Variants in NCR3LG1 observed in about 807,000 individuals in gnomAD.
NCR3LG1 encodes natural killer cell cytotoxicity receptor 3 ligand 1.
A neutral mutation model predicts 34.8 loss-of-function variants in NCR3LG1; 35 were observed. That is an observed-to-expected ratio of 1.01 (90% CI 0.77 to 1.33). The LOEUF is 1.33. Ranked by LOEUF, NCR3LG1 falls within the 40% of genes most tolerant of loss-of-function variation. The pLI is 0.00. For missense variants in NCR3LG1, 452 were observed against 423.3 expected (o/e 1.07, Z -0.60); for synonymous variants, 173 against 163.6 (o/e 1.06, Z -0.44).
rs1953427153 is a variant in NCR3LG1 at position 17,372,785 on chromosome 11, G to A, written c.*273G>A. ...TATAGCCACTCAATAAGGAAAGAAG[G>A]TGAGAAACAACCAGCATTCACATAC... On this transcript the variant is annotated 3_prime_UTR_variant, in exon 5 of 5. Transcript: ENST00000338965. 5.2e-6 allele frequency: 2 copies of A among 384,308 alleles called. No homozygotes were observed. Among genetic ancestry groups the A allele is most frequent in the Admixed American group, 4.1e-5 (1 of 24,154 alleles). 23.8% of individuals were successfully genotyped at this position (384,308 alleles called of 1,614,324 possible).
rs1222975866 is a variant in NCR3LG1 at position 17,368,908 on chromosome 11, A to G, written c.802A>G (p.Ile268Val). The stretch of plus-strand genomic sequence containing the variant: ...TAATTTTTCCATTCATTGGTGGCCT[A>G]TTTCATTCATTGGTGTTGGACTGGT... Reference protein sequence around the residue: ...TDNFSIHWWPISFIGVGLVLL... With the variant: ...TDNFSIHWWPVSFIGVGLVLL... The change falls in exon 4 of 5, where the codon ATT becomes GTT. Residue 268 changes from isoleucine to valine, a missense_variant. Physicochemically the swap from Ile to Val is conservative, Grantham distance 29. Transcript: ENST00000338965. 3 of 1,535,026 alleles carry G rather than the reference A, an allele frequency of 2.0e-6. No homozygotes were observed. Among genetic ancestry groups the G allele is most frequent in the Non-Finnish European group, 1.7e-6 (2 of 1,145,978 alleles).
chr11:17,357,623 A>T (rs1457868436), intron 2 of NCR3LG1, among the ~76,000 whole-genome samples: 3 of 151,608 alleles, frequency 2.0e-5, no homozygotes. Flanking sequence ...TGACAGAGGA[A>T]TAACAGTGAC....
At chr11:17,361,791 A>G (rs1006033008) in intron 2 of NCR3LG1, among the ~76,000 whole-genome samples, 2 of 152,026 alleles carry the variant, frequency 1.3e-5, no homozygotes, top group Non-Finnish European at 2.9e-5. Flanking sequence ...TTAAAAATAC[A>G]GTTTTATTTC....
rs1026938385 is a variant in NCR3LG1, at chr11:17,376,941, G to A, written c.*4429G>A. The A allele has an allele frequency of 1.3e-5, 2 of 152,164 alleles. No individual in the cohort carries two copies. Among genetic ancestry groups the A allele is most frequent in the African/African-American group, 4.8e-5 (2 of 41,452 alleles). The allele number at this position is 152,164 out of a possible 1,614,324, so 9.4% of individuals were successfully genotyped here. A position where few individuals can be genotyped will look rare whatever the true frequency, so the allele number is the denominator to read the frequency against. On this transcript the variant is annotated 3_prime_UTR_variant, in exon 5 of 5. Transcript: ENST00000338965. The stretch of plus-strand genomic sequence containing the variant: ...GCGTCTCCTCCTGGTTGAAAGTCCT[G>A]CTGGGAATGGCAGGCTCTGGGTAAC...
intron 2 of NCR3LG1, among the ~76,000 whole-genome samples, chr11:17,359,413 C>T (rs1953245179): frequency 1.3e-5 from 2 of 152,112 alleles, no homozygotes; most frequent in African/African-American, 4.8e-5. Context: ...CCTGTACCCA[C>T]CATCCTCTGT....
downstream of NCR3LG1, among the ~76,000 whole-genome samples, chr11:17,378,337 A>G (rs181129736): frequency 4.6e-4 from 70 of 152,334 alleles, no homozygotes; most frequent in African/African-American, 1.5e-3. Context: ...CTCCAGTCCC[A>G]GTTGGCTACA....
chr11:17,380,120 T>C (rs1394636881), downstream of NCR3LG1, among the ~76,000 whole-genome samples: 2 of 152,200 alleles, frequency 1.3e-5, no homozygotes, highest in Admixed American at 1.3e-4. Flanking sequence ...GGCCAAGACT[T>C]TCTCAGAGTG....
At chr11:17,359,677 A>G (rs1953249687) in intron 2 of NCR3LG1, among the ~76,000 whole-genome samples, 1 of 151,816 alleles carries the variant, frequency 6.6e-6, no homozygotes, top group South Asian at 2.1e-4. Flanking sequence ...ACGCCTGGCT[A>G]ATTTTTGTAT....
In NCR3LG1 at chr11:17,372,660, C is replaced by T; in HGVS notation, c.*148C>T. On this transcript the variant is annotated 3_prime_UTR_variant, in exon 5 of 5. Transcript: ENST00000338965. ...AACCTAACTCAGGTGTTTGACCTTA[C>T]TTGGGGTGATGTTATGTTGCTCTTA... The T allele has an allele frequency of 1.7e-6, 1 of 581,332 alleles. No homozygotes were observed. The highest frequency in any genetic ancestry group is 1.9e-5 in the African/African-American group (1 of 53,862). The allele number at this position is 581,332 out of a possible 1,614,324, so 36.0% of individuals were successfully genotyped here.
downstream of NCR3LG1, among the ~76,000 whole-genome samples, chr11:17,379,550 G>A (rs1393891325): frequency 6.6e-6 from 1 of 152,082 alleles, no homozygotes; most frequent in African/African-American, 2.4e-5. Context: ...TTCTAATGGT[G>A]CTGGGAGAAG....
At chr11:17,356,426 C>T (rs34980243) in intron 1 of NCR3LG1, among the ~76,000 whole-genome samples, 32,759 of 151,854 alleles carry the variant, frequency 0.22, 3,890 homozygotes, top group African/African-American at 0.28. Flanking sequence ...CATGAGCCAC[C>T]GTGCCTGGCC....
At position 17,367,250 on chromosome 11, in the gene NCR3LG1, C is replaced by A. The variant is rs368357969; in HGVS notation, c.663C>A (p.Asp221Glu). 2 of 1,536,284 alleles carry A rather than the reference C, an allele frequency of 1.3e-6. No homozygotes were observed. Among genetic ancestry groups the A allele is most frequent in the African/African-American group, 2.7e-5 (2 of 73,134 alleles). Reference sequence around the variant, plus strand: ...TGAAGCTGAACTCCTCTCAGGAAGACCCTGGGACTGTCTACCAGTGTGTGG... The same window carrying A: ...TGAAGCTGAACTCCTCTCAGGAAGAACCTGGGACTGTCTACCAGTGTGTGG... The part of the protein sequence containing the change: ...SCLKLNSSQE[D>E]PGTVYQCVVR... Residue 221 changes from aspartate to glutamate, a missense_variant, in exon 3 of 5, where the codon GAC (aspartate) becomes GAA (glutamate). By Grantham distance (45) the Asp-to-Glu change is conservative (BLOSUM62 2). Coordinates refer to ENST00000338965, the MANE Select transcript of NCR3LG1 (RefSeq NM_001202439.3).
intron 2 of NCR3LG1, among the ~76,000 whole-genome samples, chr11:17,363,237 C>T (rs570065232): frequency 6.6e-6 from 1 of 151,640 alleles, no homozygotes; most frequent in South Asian, 2.1e-4. Flanking sequence ...TAAAGCACTT[C>T]TTTTTATGTT....
intron 2 of NCR3LG1, among the ~76,000 whole-genome samples, chr11:17,361,315 T>C (rs1953267021): frequency 2.0e-5 from 3 of 150,240 alleles, no homozygotes; most frequent in Admixed American, 1.3e-4. Flanking sequence ...TGAGACAGAG[T>C]CTCGCTGTGT....
At chr11:17,363,640 G>A (rs910378590) in intron 2 of NCR3LG1, among the ~76,000 whole-genome samples, 3 of 150,930 alleles carry the variant, frequency 2.0e-5, no homozygotes, top group African/African-American at 7.3e-5. Context: ...TCCCAGGTTG[G>A]AGTGCAGTGG....
downstream of NCR3LG1, among the ~76,000 whole-genome samples, chr11:17,377,729 C>T (rs975606280): frequency 1.3e-5 from 2 of 152,198 alleles, no homozygotes; most frequent in African/African-American, 4.8e-5. Flanking sequence ...CTTTGTGGCT[C>T]CTGGCTACAC....
intron 4 of NCR3LG1, among the ~76,000 whole-genome samples, chr11:17,370,706 C>T (rs190290475): frequency 1.3e-5 from 2 of 152,348 alleles, no homozygotes; most frequent in East Asian, 3.9e-4. Context: ...GGCTACTCCT[C>T]AGTGTTACCT....
At chr11:17,371,108 G>A (rs1430411741) in intron 4 of NCR3LG1, among the ~76,000 whole-genome samples, 1 of 152,114 alleles carries the variant, frequency 6.6e-6, no homozygotes, top group East Asian at 1.9e-4. Context: ...CTTCATGTAA[G>A]AGCTCAGCAT....
rs1178365454 is a variant in NCR3LG1, at chr11:17,372,490, C to G, written c.1343C>G (p.Thr448Ser). The change falls in exon 5 of 5, where the codon ACT becomes AGT. Residue 448 changes from threonine to serine, a missense_variant. Thr to Ser is a moderately conservative substitution (Grantham distance 58). Coordinates refer to ENST00000338965, the MANE Select transcript of NCR3LG1 (RefSeq NM_001202439.3). ...TTPVLSSQPP[T>S]LLLPLQ ...CCAGTTCTATCCTCCCAACCCCCAA[C>G]TTTACTGTTACCCCTACAGTAAATG... 1.4e-6 allele frequency: 1 copy of G among 701,536 alleles called. No homozygotes were observed. Among genetic ancestry groups the G allele is most frequent in the Non-Finnish European group, 2.6e-6 (1 of 384,008 alleles). The allele number at this position is 701,536 out of a possible 1,614,324, so 43.5% of individuals were successfully genotyped here.
Sources: gnomAD v4.1 joint callset for allele counts (sites outside exome capture counted in the v4.1 genomes callset) on GRCh38, gnomAD v4.1.1 for gene constraint, MANE v1.5 for transcripts, NCBI Gene and HGNC (gene_info 2026-07-23, HGNC 2026-07-21) for gene names.